ITGB8: variants seen among roughly 807,000 people sequenced by gnomAD.
The protein encoded by ITGB8 is integrin beta-8.
In ITGB8, 30 loss-of-function variants were observed where a neutral mutation model predicts 89.5. That is an observed-to-expected ratio of 0.34 (90% CI 0.25 to 0.45). The LOEUF (loss-of-function observed/expected upper bound fraction) is 0.45. Ranked by LOEUF, ITGB8 falls within the 20% of genes least tolerant of loss-of-function variation. The pLI, the probability that ITGB8 is intolerant of heterozygous loss-of-function variation, is 1.00. For synonymous variants in ITGB8, 335 were observed against 320.4 expected, an observed-to-expected ratio of 1.05 and a Z score of -0.49; for missense variants, 836 against 933.3, an observed-to-expected ratio of 0.90 and a Z score of 1.36.
chr7:20,373,426 A>C (rs975336456), intron 3 of ITGB8, among the ~76,000 whole-genome samples: 1 of 152,216 alleles, frequency 6.6e-6, no homozygotes, highest in African/African-American at 2.4e-5. Flanking sequence ...GAAATAATAC[A>C]ATGTATATGA....
In ITGB8 at chr7:20,409,694, C is replaced by T. The variant is rs1787687604; in HGVS notation, c.2103C>T (p.Val701=). The T allele has an allele frequency of 6.2e-7, 1 of 1,610,130 alleles. No individual in the cohort carries two copies. Among genetic ancestry groups the T allele is most frequent in the African/African-American group, 1.3e-5 (1 of 74,894 alleles). ...CATTCTTGATTGGGTTGCTTAAAGT[C>T]CTGATCATTAGACAGGTGATACTAC... is the stretch of plus-strand genomic sequence containing the variant. The part of the protein sequence containing the change: ...IVTFLIGLLK[V]LIIRQVILQW... Residue 701 remains valine (V), a synonymous_variant, in exon 13 of 14, where the codon GTC becomes GTT. Coordinates refer to ENST00000222573, the MANE Select transcript of ITGB8 (RefSeq NM_002214.3).
In ITGB8 at chr7:20,380,645, ACTT is replaced by A. The variant is rs747669141; in HGVS notation, c.636-14_636-12del. 3 of 1,601,160 alleles carry A rather than the reference ACTT, an allele frequency of 1.9e-6. No homozygotes were observed. Among genetic ancestry groups the A allele is most frequent in the Non-Finnish European group, 1.7e-6 (2 of 1,168,830 alleles). On this transcript the variant is annotated intron_variant, in intron 4 of 13. Transcript: ENST00000222573. ...TTAAGAAGAGCAAAATAAACTTTAC[ACTT>A]CTTCTTTTCCCACACAGTGACTACA...
intron 12 of ITGB8, among the ~76,000 whole-genome samples, chr7:20,408,929 G>C (rs1228896574): frequency 9.9e-5 from 15 of 152,140 alleles, no homozygotes; most frequent in Non-Finnish European, 4.4e-5. Context: ...GAGGCAAATG[G>C]AATAGGTGTA....
At chr7:20,393,799 T>C (rs1786960998) in intron 7 of ITGB8, among the ~76,000 whole-genome samples, 1 of 152,220 alleles carries the variant, frequency 6.6e-6, no homozygotes, top group Non-Finnish European at 1.5e-5. Context: ...CTCTTACTCA[T>C]ACTTTAAGGC....
rs78111119 is a variant in ITGB8 at position 20,408,759 on chromosome 7, G to A, written c.2024-856G>A. ...GCCTCTGGCAACAACAGAGCCTGTA[G>A]ACTTTCAAGCACCAGATCTTTGGCT... On this transcript the variant is annotated intron_variant, in intron 12 of 13. Transcript: ENST00000222573. Among the ~76,000 whole-genome samples the A allele has an allele frequency of 3.3e-4, 50 of 152,272 alleles. No individual in the cohort carries two copies. The East Asian group carries it at 9.5e-3, about 29-fold the overall frequency.
At chr7:20,394,274 A>T (rs554839621) in intron 7 of ITGB8, among the ~76,000 whole-genome samples, 1 of 152,170 alleles carries the variant, frequency 6.6e-6, no homozygotes, top group Non-Finnish European at 1.5e-5. Flanking sequence ...TTTTTGCTTC[A>T]TCTTCGATTC....
In ITGB8 at chr7:20,410,085, A is replaced by T; in HGVS notation, c.*88A>T. 1 of 1,368,716 alleles carries T rather than the reference A, an allele frequency of 7.3e-7. No homozygotes were observed. The highest frequency in any genetic ancestry group is 1.0e-6 in the Non-Finnish European group (1 of 990,144). The allele number at this position is 1,368,716 out of a possible 1,614,324, so 84.8% of individuals were successfully genotyped here. On this transcript the variant is annotated 3_prime_UTR_variant, in exon 14 of 14. Coordinates refer to ENST00000222573, the MANE Select transcript of ITGB8 (RefSeq NM_002214.3). ...AATTTTAAAAGTCACAGGAGGAGAC[A>T]AATTGCTCACGGTCATGCCAGTTGC... is the stretch of plus-strand genomic sequence containing the variant.
intron 10 of ITGB8, among the ~76,000 whole-genome samples, chr7:20,403,792 G>GA (rs397706293): frequency 6.6e-6 from 1 of 150,618 alleles, no homozygotes; most frequent in Non-Finnish European, 1.5e-5. Flanking sequence ...GGAAGGGAGA[G>GA]GGAGAAAAGA....
chr7:20,386,554 G>A (rs922288153), intron 6 of ITGB8, among the ~76,000 whole-genome samples: 1 of 151,662 alleles, frequency 6.6e-6, no homozygotes, highest in Non-Finnish European at 1.5e-5. Flanking sequence ...CACTGCGCCT[G>A]GCCTGAGAAC....
At chr7:20,389,361 A>C (rs1321508932) in intron 6 of ITGB8, among the ~76,000 whole-genome samples, 1 of 152,158 alleles carries the variant, frequency 6.6e-6, no homozygotes, top group Non-Finnish European at 1.5e-5. Flanking sequence ...TTTGATTTGC[A>C]TTTCTCTAAT....
rs556738645 is a variant in ITGB8, at chr7:20,345,001, C to A, written c.127+13068C>A. On this transcript the variant is annotated intron_variant, in intron 1 of 13. Coordinates refer to ENST00000222573, the MANE Select transcript of ITGB8 (RefSeq NM_002214.3). ...CAAATTAAAGAAACAGAATGTATAG[C>A]ACACCAGACAGCACTAAGTATCTAG... Among the ~76,000 whole-genome samples the A allele has an allele frequency of 2.0e-5, 3 of 152,226 alleles. No homozygotes were observed. In the South Asian group the frequency reaches 6.2e-4, roughly 32 times the overall value.
At position 20,415,089 on chromosome 7, in the gene ITGB8, A is replaced by G. The variant is rs1787885501; in HGVS notation, c.*5092A>G. 1.3e-5 allele frequency: 2 copies of G among 152,588 alleles called. No individual in the cohort carries two copies. The highest frequency in any genetic ancestry group is 4.1e-4 in the South Asian group (2 of 4,834). 9.5% of individuals were successfully genotyped at this position (152,588 alleles called of 1,614,324 possible). A position where few individuals can be genotyped will look rare whatever the true frequency, so the allele number is the denominator to read the frequency against. On this transcript the variant is annotated 3_prime_UTR_variant, in exon 14 of 14. Coordinates refer to ENST00000222573, the MANE Select transcript of ITGB8 (RefSeq NM_002214.3). ...TCCTACAGATAAATGTGAAATTTTG[A>G]TAAGAAGTCTACGCAATGACAAGTA...
upstream of ITGB8, chr7:20,329,779 G>A (rs1461188354): frequency 6.6e-6 from 1 of 152,134 alleles, no homozygotes; most frequent in Non-Finnish European, 1.5e-5. Context: ...AATCGCTCCT[G>A]CCCCTAGAGG....
At chr7:20,401,534 T>C (rs1023530511) in intron 9 of ITGB8, among the ~76,000 whole-genome samples, 187 bp from the exon 10 acceptor site, 5 of 152,186 alleles carry the variant, frequency 3.3e-5, no homozygotes, top group African/African-American at 4.8e-5. Context: ...AGTTCATTCA[T>C]TGGAAAATAA....
intron 6 of ITGB8, among the ~76,000 whole-genome samples, chr7:20,385,835 C>T (rs1178978865): frequency 6.6e-6 from 1 of 152,146 alleles, no homozygotes; most frequent in Non-Finnish European, 1.5e-5. Flanking sequence ...AACACTATTA[C>T]ATTTATTCTT....
chr7:20,405,839 G>A (rs1321099649), intron 11 of ITGB8, among the ~76,000 whole-genome samples: 1 of 152,122 alleles, frequency 6.6e-6, no homozygotes, highest in African/African-American at 2.4e-5. Context: ...GACTTTCTCA[G>A]ATTAGTAGCT....
chr7:20,408,204 T>C (rs1486062761), intron 12 of ITGB8, among the ~76,000 whole-genome samples: 3 of 152,136 alleles, frequency 2.0e-5, no homozygotes, highest in Non-Finnish European at 4.4e-5. Context: ...GCATGTATGT[T>C]ATGAGCCCGA....
At chr7:20,375,541 T>A (rs1310026833) in intron 3 of ITGB8, among the ~76,000 whole-genome samples, 1 of 152,186 alleles carries the variant, frequency 6.6e-6, no homozygotes, top group Non-Finnish European at 1.5e-5. Flanking sequence ...AACTGAAGCA[T>A]CACCAGAATT....
At chr7:20,399,067 A>T in intron 9 of ITGB8, 73 bp downstream of exon 9, 2 of 1,495,748 alleles carry the variant, frequency 1.3e-6, no homozygotes, top group Non-Finnish European at 1.8e-6. Context: ...GAAAAAGCAA[A>T]CCATTCTGAA....
Sources: allele counts gnomAD v4.1 joint callset (sites outside exome capture counted in the v4.1 genomes callset), GRCh38; gene constraint gnomAD v4.1.1; transcripts MANE v1.5; gene names NCBI Gene and HGNC (gene_info 2026-07-23, HGNC 2026-07-21).